RAB3C: variants seen among roughly 807,000 people sequenced by gnomAD.
RAB3C encodes RAB3C, member RAS oncogene family, also known as ras-related protein Rab-3C.
RAB3C carries 17 observed loss-of-function variants against 26.4 expected under a neutral mutation model. The ratio of observed to expected loss-of-function variants is 0.64; its 90% CI spans 0.44 to 0.97. RAB3C has a LOEUF of 0.97. Ranked by LOEUF, RAB3C falls within the 50% of genes least tolerant of loss-of-function variation. The pLI, the probability that RAB3C is intolerant of heterozygous loss-of-function variation, is 0.00. For synonymous variants in RAB3C, 91 were observed against 95.9 expected, an observed-to-expected ratio of 0.95 and a Z score of 0.30; for missense variants, 242 against 281.9, an observed-to-expected ratio of 0.86 and a Z score of 1.01.
At chr5:58,749,490 T>C (rs1321666141) in intron 3 of RAB3C, among the ~76,000 whole-genome samples, 3 of 152,198 alleles carry the variant, frequency 2.0e-5, no homozygotes, top group Admixed American at 2.0e-4. Context: ...AATATGAATA[T>C]GTCTGTAGGA....
intron 3 of RAB3C, among the ~76,000 whole-genome samples, chr5:58,754,686 A>G (rs1741612996): frequency 6.6e-6 from 1 of 152,200 alleles, no homozygotes; most frequent in African/African-American, 2.4e-5. Flanking sequence ...GAGGAACCAC[A>G]AACAAATGTT....
intron 2 of RAB3C, among the ~76,000 whole-genome samples, chr5:58,717,022 TG>T (rs1749186355): frequency 6.6e-6 from 1 of 151,876 alleles, no homozygotes; most frequent in Non-Finnish European, 1.5e-5. Context: ...ACCACTCGGG[TG>T]GGGGATGTTG....
Position 58,836,735 on chromosome 5 carries a change from C to A in RAB3C, c.496+11573C>A, listed in dbSNP as rs369807783. 1.6e-4 allele frequency among the ~76,000 whole-genome samples: 24 copies of A among 152,214 alleles called. No individual in the cohort carries two copies. In the East Asian group the frequency reaches 2.5e-3, roughly 16 times the overall value. On this transcript the variant is annotated intron_variant, in intron 4 of 4. Coordinates refer to ENST00000282878, the MANE Select transcript of RAB3C (RefSeq NM_138453.4). Reference sequence around the variant, plus strand: ...AGGCTTTCATTTTTTTATAGTTGGGCATATTTCATTGTGTATATACACCAC... The same window carrying A: ...AGGCTTTCATTTTTTTATAGTTGGGAATATTTCATTGTGTATATACACCAC...
chr5:58,600,561 G>A (rs536933569), intron 1 of RAB3C, among the ~76,000 whole-genome samples: 7 of 151,948 alleles, frequency 4.6e-5, no homozygotes, highest in Non-Finnish European at 1.0e-4. Flanking sequence ...TTGCCTCCTC[G>A]GTTAGGTATA....
intron 2 of RAB3C, among the ~76,000 whole-genome samples, chr5:58,710,772 G>C (rs1303297903): frequency 6.6e-6 from 1 of 152,130 alleles, no homozygotes; most frequent in Non-Finnish European, 1.5e-5. Context: ...TGCACAGCCA[G>C]CTATGTGCTC....
chr5:58,710,714 C>T (rs778976932), intron 2 of RAB3C, among the ~76,000 whole-genome samples: 1 of 152,074 alleles, frequency 6.6e-6, no homozygotes, highest in African/African-American at 2.4e-5. Flanking sequence ...CTGGCTTTCC[C>T]CTGCTCTTCC....
At chr5:58,809,417 AC>A (rs1185127666) in intron 3 of RAB3C, among the ~76,000 whole-genome samples, 1 of 151,416 alleles carries the variant, frequency 6.6e-6, no homozygotes, top group East Asian at 1.9e-4. Flanking sequence ...TAGCAGAGGC[AC>A]AAATTGAAAA....
intron 2 of RAB3C, among the ~76,000 whole-genome samples, chr5:58,655,712 C>T (rs1747754342): frequency 6.6e-6 from 1 of 150,994 alleles, no homozygotes; most frequent in Non-Finnish European, 1.5e-5. Context: ...GCATATTTGC[C>T]ATATCAATAC....
At chr5:58,802,481 C>T (rs553422909) in intron 3 of RAB3C, among the ~76,000 whole-genome samples, 4 of 152,200 alleles carry the variant, frequency 2.6e-5, no homozygotes, top group Non-Finnish European at 5.9e-5. Context: ...TCATACCTAA[C>T]GGCCACGGCT....
intron 3 of RAB3C, among the ~76,000 whole-genome samples, chr5:58,818,122 G>C (rs753542995): frequency 8.5e-5 from 13 of 152,148 alleles, no homozygotes; most frequent in Non-Finnish European, 1.6e-4. Context: ...TCACTGAGGT[G>C]CATTTTGTGG....
At chr5:58,706,542 C>T (rs1385632369) in intron 2 of RAB3C, among the ~76,000 whole-genome samples, 2 of 152,152 alleles carry the variant, frequency 1.3e-5, no homozygotes, top group African/African-American at 4.8e-5. Context: ...TAAAGTATCT[C>T]TAACATTCGA....
At chr5:58,693,349 T>TATATATAC (rs1561291403) in intron 2 of RAB3C, among the ~76,000 whole-genome samples, 5 of 143,908 alleles carry the variant, frequency 3.5e-5, no homozygotes, top group African/African-American at 1.3e-4. Flanking sequence ...TATATATATA[T>TATATATAC]ATATATATAT....
intron 2 of RAB3C, among the ~76,000 whole-genome samples, chr5:58,707,061 G>A (rs1395823237): frequency 6.6e-6 from 1 of 152,056 alleles, no homozygotes; most frequent in East Asian, 1.9e-4. Context: ...AAAGCTCATT[G>A]TTTTTTGCTT....
chr5:58,736,758 C>T (rs1199303528), intron 3 of RAB3C, among the ~76,000 whole-genome samples: 1 of 152,152 alleles, frequency 6.6e-6, no homozygotes, highest in African/African-American at 2.4e-5. Context: ...AATAAGGTCA[C>T]GTTCACCGGT....
At chr5:58,728,202 T>A (rs1294964849) in intron 3 of RAB3C, among the ~76,000 whole-genome samples, 2 of 152,056 alleles carry the variant, frequency 1.3e-5, no homozygotes, top group Non-Finnish European at 2.9e-5. Context: ...AAGCACTTAT[T>A]GAGCACCTAA....
intron 2 of RAB3C, chr5:58,644,419 C>A (rs1747475119): frequency 6.6e-6 from 1 of 152,054 alleles, no homozygotes; most frequent in Admixed American, 6.5e-5. Context: ...GTGTAAGATG[C>A]CTAGCCCCGT....
chr5:58,673,398 A>C (rs970707848), intron 2 of RAB3C, among the ~76,000 whole-genome samples: 1 of 151,534 alleles, frequency 6.6e-6, no homozygotes, highest in Admixed American at 6.6e-5. Context: ...TGGAAACTGT[A>C]GGGGGAAAGT....
chr5:58,789,138 T>C (rs971273568), intron 3 of RAB3C, among the ~76,000 whole-genome samples: 14 of 152,126 alleles, frequency 9.2e-5, no homozygotes, highest in African/African-American at 3.4e-4. Context: ...ATTTAGATGC[T>C]AAGCCAGGCC....
At chr5:58,837,074 C>T (rs933239764) in intron 4 of RAB3C, among the ~76,000 whole-genome samples, 2 of 152,174 alleles carry the variant, frequency 1.3e-5, no homozygotes, top group Non-Finnish European at 2.9e-5. Flanking sequence ...AATAGCCATC[C>T]TAACTACGGT....
Sources: gnomAD v4.1 joint callset for allele counts (sites outside exome capture counted in the v4.1 genomes callset) on GRCh38, gnomAD v4.1.1 for gene constraint, MANE v1.5 for transcripts, NCBI Gene and HGNC (gene_info 2026-07-23, HGNC 2026-07-21) for gene names.